KLHL22: variants seen among roughly 807,000 people sequenced by gnomAD.
KLHL22 encodes the protein kelch-like protein 22.
Under a neutral mutation model 60.7 loss-of-function variants are expected in KLHL22, and 18 were observed. That is an observed-to-expected ratio of 0.30 (90% CI 0.20 to 0.44). The LOEUF (loss-of-function observed/expected upper bound fraction) is 0.44. KLHL22 is among the 20% of genes least tolerant of loss of function. The probability of loss-of-function intolerance (pLI) is 1.00; values close to 1 mark genes in which losing one functional copy is unlikely to be tolerated. For synonymous variants in KLHL22, 355 were observed against 354.5 expected (o/e 1.00, Z -0.01); for missense variants, 596 against 852.3 (o/e 0.70, Z 3.74).
At chr22:20,463,537 G>C (rs1308701484) in intron 4 of KLHL22, among the ~76,000 whole-genome samples, 1 of 152,218 alleles carries the variant, frequency 6.6e-6, no homozygotes, top group Non-Finnish European at 1.5e-5. Flanking sequence ...GGAGAGATTG[G>C]CTTTGCAGGT....
intron 2 of KLHL22, among the ~76,000 whole-genome samples, chr22:20,479,288 T>C (rs1017087922): frequency 1.3e-5 from 2 of 152,118 alleles, no homozygotes; most frequent in Admixed American, 6.6e-5. Context: ...TTACTACTTT[T>C]CTGTAAGTCA....
chr22:20,451,434 C>CT (rs1287964941), intron 5 of KLHL22: 15 of 1,606,454 alleles, frequency 9.3e-6, no homozygotes, highest in African/African-American at 1.3e-5. Flanking sequence ...GCTTGAATAT[C>CT]TTAAATTCAG....
chr22:20,442,312 G>A lies in KLHL22; in HGVS notation c.1666C>T (p.Arg556Cys), dbSNP rs780891621. The change falls in exon 7 of 7, where the codon CGC becomes TGC. Residue 556 changes from arginine (R) to cysteine (C), a missense_variant. By Grantham distance (180) the Arg-to-Cys change is radical. Transcript: ENST00000328879. ...IYVLGGRSHN[R>C]GSRTGYVHIY... is the part of the protein sequence containing the mutation. ...TGCACGTAGCCTGTGCGGCTGCCGC[G>A]GTTGTGTGAGCGGCCACCTAACACA... 3.7e-6 allele frequency: 6 copies of A among 1,613,844 alleles called. No individual in the cohort carries two copies. Among genetic ancestry groups the A allele is most frequent in the Non-Finnish European group, 5.1e-6 (6 of 1,180,036 alleles).
chr22:20,461,226 T>A (rs913432564), intron 4 of KLHL22, among the ~76,000 whole-genome samples: 12 of 151,984 alleles, frequency 7.9e-5, no homozygotes, highest in African/African-American at 2.9e-4. Flanking sequence ...AACCCTAGAG[T>A]TGGTACAAAA....
chr22:20,471,661 T>A (rs2053329151), intron 2 of KLHL22, 146 bp from the exon 3 acceptor site: 2 of 779,274 alleles, frequency 2.6e-6, no homozygotes, highest in Non-Finnish European at 4.2e-6. Context: ...CTGAGTGAAC[T>A]GTGTGCATGC....
intron 5 of KLHL22, among the ~76,000 whole-genome samples, chr22:20,454,107 T>A (rs2053025329): frequency 6.6e-6 from 1 of 152,108 alleles, no homozygotes; most frequent in South Asian, 2.1e-4. Flanking sequence ...GGCAGACAGA[T>A]CCCTTGAGAC....
chr22:20,463,170 TCCTG>T (rs929530327), intron 4 of KLHL22, among the ~76,000 whole-genome samples: 2 of 152,328 alleles, frequency 1.3e-5, no homozygotes, highest in Non-Finnish European at 2.9e-5. Context: ...CTGTGGTCCT[TCCTG>T]CCACCTCCAC....
intron 5 of KLHL22, chr22:20,451,231 G>C: frequency 1.9e-6 from 3 of 1,601,592 alleles, no homozygotes; most frequent in Non-Finnish European, 2.6e-6. Context: ...ATGAGGTCTT[G>C]CTGGAGCCAC....
intron 4 of KLHL22, among the ~76,000 whole-genome samples, chr22:20,460,608 CCCAAAAAAAAAAAAAA>C (rs2053137231): frequency 2.4e-4 from 8 of 32,684 alleles, no homozygotes; most frequent in African/African-American, 7.4e-4. Flanking sequence ...AACTCCATCC[CCCAAAAAAAAAAAAAA>C]AAAAAAAAAA....
At chr22:20,470,843 G>GATGGATGGATGCATGCATGC (rs2053313783) in intron 3 of KLHL22, among the ~76,000 whole-genome samples, 1 of 127,934 alleles carries the variant, frequency 7.8e-6, no homozygotes, top group South Asian at 2.5e-4. Flanking sequence ...TGCATGCATG[G>GATGGATGGATGCATGCATGC]ATGGATGGAT....
rs1457418254 is a variant in KLHL22 at position 20,442,518 on chromosome 22, G to A, written c.1540-80C>T. ...CTCCCCCACAAGCCCACTGACCAAG[G>A]TGGCAACAGTTACCCACCATTCTGA... On this transcript the variant is annotated intron_variant, in intron 6 of 6. Coordinates refer to ENST00000328879, the MANE Select transcript of KLHL22 (RefSeq NM_032775.4). 12 of 1,472,628 alleles carry A rather than the reference G, an allele frequency of 8.1e-6. No homozygotes were observed. The South Asian group carries it at 1.4e-4, about 17-fold the overall frequency. 91.2% of individuals were successfully genotyped at this position (1,472,628 alleles called of 1,614,324 possible). A position where few individuals can be genotyped will look rare whatever the true frequency, so the allele number is the denominator to read the frequency against.
intron 5 of KLHL22, chr22:20,450,095 A>G: frequency 1.3e-6 from 1 of 763,910 alleles, no homozygotes; most frequent in South Asian, 1.4e-5. Flanking sequence ...CCAAGGACCT[A>G]TTTTTGTTCT....
chr22:20,483,954 G>C (rs2053546383), intron 2 of KLHL22: 4 of 680,256 alleles, frequency 5.9e-6, no homozygotes, highest in Non-Finnish European at 1.1e-5. Context: ...GAAGCTGGTG[G>C]AGCGGGACAC....
intron 2 of KLHL22, among the ~76,000 whole-genome samples, chr22:20,473,302 G>A (rs911960703): frequency 2.0e-5 from 3 of 152,138 alleles, no homozygotes; most frequent in Non-Finnish European, 4.4e-5. Context: ...AATCTAGGAG[G>A]ACCTGGGAGG....
chr22:20,457,566 GT>G (rs34030327), intron 5 of KLHL22, among the ~76,000 whole-genome samples: 9,845 of 152,244 alleles, frequency 0.065, 818 homozygotes, highest in East Asian at 0.46. Context: ...AGACTCACAA[GT>G]GGGGCACAAT....
chr22:20,483,879 C>T (rs958378828), intron 2 of KLHL22: 2 of 705,082 alleles, frequency 2.8e-6, no homozygotes, highest in African/African-American at 1.8e-5. Flanking sequence ...ATTCTGGATG[C>T]TTCCCATTCC....
At chr22:20,471,278 GCAGGCATCA>G in intron 3 of KLHL22, 63 bp downstream of exon 3, 1 of 1,437,932 alleles carries the variant, frequency 7.0e-7, no homozygotes, top group South Asian at 1.3e-5. Flanking sequence ...CTAGTGCCCG[GCAGGCATCA>G]TGGGCATCTC....
In KLHL22 at chr22:20,476,774, T is replaced by C. The variant is rs541004430; in HGVS notation, c.228-5259A>G. The stretch of plus-strand genomic sequence containing the variant: ...CCCAGGCTGGAGTGCAATGGCGCAA[T>C]CTCGGCTCACTGCAACCTCCGCCTA... On this transcript the variant is annotated intron_variant, in intron 2 of 6. Transcript: ENST00000328879. 4.9e-5 allele frequency among the ~76,000 whole-genome samples: 7 copies of C among 144,286 alleles called. No individual in the cohort carries two copies. In the East Asian group the frequency reaches 1.5e-3, roughly 31 times the overall value. 94.7% of individuals were successfully genotyped at this position (144,286 alleles called of 152,430 possible).
intron 3 of KLHL22, among the ~76,000 whole-genome samples, chr22:20,470,676 A>G (rs866930012): frequency 2.1e-5 from 3 of 143,838 alleles, no homozygotes; most frequent in Admixed American, 1.4e-4. Context: ...GGATGGATGG[A>G]TGGGTGGATG....
Sources: gnomAD v4.1 joint callset for allele counts (sites outside exome capture counted in the v4.1 genomes callset) on GRCh38, gnomAD v4.1.1 for gene constraint, MANE v1.5 for transcripts, NCBI Gene and HGNC (gene_info 2026-07-23, HGNC 2026-07-21) for gene names.